The following MGA variants were observed in gnomAD, a reference collection of about 807,000 sequenced individuals.
MGA encodes MAX gene-associated protein.
Under a neutral mutation model 261.1 loss-of-function variants are expected in MGA, and 40 were observed. The observed-to-expected ratio is 0.15, with a 90% CI of 0.12 to 0.20. MGA has a LOEUF of 0.20. Ranked by LOEUF, MGA falls within the 10% of genes least tolerant of loss-of-function variation. MGA has a pLI of 1.00. For missense variants in MGA, 3,397 were observed against 3,630.5 expected (o/e 0.94, Z 1.65); for synonymous variants, 1,302 against 1,290.6 (o/e 1.01, Z -0.19).
At position 41,742,563 on chromosome 15, in the gene MGA, G is replaced by C; in HGVS notation, c.4603G>C (p.Gly1535Arg). The C allele has an allele frequency of 6.2e-7, 1 of 1,613,222 alleles. No individual in the cohort carries two copies. The highest frequency in any genetic ancestry group is 8.5e-7 in the Non-Finnish European group (1 of 1,179,490). ...GTTTGCAGCGGCTCGACCCTCTCCT[G>C]GTGGTGTGTTCACACAGTTTGTGAT... The change falls in exon 15 of 24, where the codon GGT becomes CGT. Residue 1535 changes from glycine to arginine, a missense_variant. Physicochemically the swap from Gly to Arg is moderately radical, Grantham distance 125 (BLOSUM62 -2). Transcript: ENST00000219905.
chr15:41,679,934 G>A (rs1315138746), intron 2 of MGA, among the ~76,000 whole-genome samples: 1 of 152,072 alleles, frequency 6.6e-6, no homozygotes, highest in Admixed American at 6.5e-5. Flanking sequence ...CATTATGGTT[G>A]TAGTTTGTCT....
At chr15:41,737,463 T>A (rs565485740) in intron 13 of MGA, among the ~76,000 whole-genome samples, 3 of 152,212 alleles carry the variant, frequency 2.0e-5, no homozygotes, top group South Asian at 4.1e-4. Flanking sequence ...CTGAAAATTT[T>A]AATTTAGTAA....
chr15:41,752,053 G>A (rs1424291623), intron 17 of MGA: 3 of 152,092 alleles, frequency 2.0e-5, no homozygotes, highest in Non-Finnish European at 4.4e-5. Flanking sequence ...TTATTTTAGC[G>A]ATGGAGTCTT....
At chr15:41,709,915 G>A (rs1478028484) in intron 7 of MGA, among the ~76,000 whole-genome samples, 1 of 151,150 alleles carries the variant, frequency 6.6e-6, no homozygotes, top group Non-Finnish European at 1.5e-5. Context: ...TCCCCGTCTC[G>A]GGTTCAAGCA....
At chr15:41,684,352 C>T (rs538453756) in intron 2 of MGA, 10 of 446,272 alleles carry the variant, frequency 2.2e-5, no homozygotes, top group South Asian at 1.6e-4. Context: ...AAAAAAAATC[C>T]TTTTAATTAA....
Position 41,769,319 on chromosome 15 carries a change from TA to T in MGA, c.*2041del, listed in dbSNP as rs1456540008. ...ACTTCCTTTTTTTTTTTTTTTTTTT[TA>T]AGAAGAATATAGGTAAACAGGTAAT... is the stretch of plus-strand genomic sequence containing the variant. On this transcript the variant is annotated 3_prime_UTR_variant, in exon 24 of 24. Coordinates refer to ENST00000219905, the MANE Select transcript of MGA (RefSeq NM_001164273.2). The T allele has an allele frequency of 1.5e-5, 2 of 136,388 alleles. No individual in the cohort carries two copies. Among genetic ancestry groups the T allele is most frequent in the Non-Finnish European group, 3.2e-5 (2 of 63,024 alleles). The allele number at this position is 136,388 out of a possible 1,614,324, so 8.4% of individuals were successfully genotyped here.
intron 15 of MGA, among the ~76,000 whole-genome samples, chr15:41,743,678 G>A (rs149714093): frequency 6.6e-6 from 1 of 152,036 alleles, no homozygotes; most frequent in Non-Finnish European, 1.5e-5. Context: ...TGTGGGGTGT[G>A]GGGGGTGCTG....
At chr15:41,728,776 T>C (rs1484970400) in intron 10 of MGA, among the ~76,000 whole-genome samples, 1 of 152,170 alleles carries the variant, frequency 6.6e-6, no homozygotes, top group Non-Finnish European at 1.5e-5. Context: ...AGAGTAAATA[T>C]TTAGAAATTT....
chr15:41,754,362 G>T (rs973267083), intron 17 of MGA, 75 bp from the exon 18 acceptor site: 1 of 1,393,300 alleles, frequency 7.2e-7, no homozygotes, highest in Non-Finnish European at 9.5e-7. Context: ...GTTTTATAAG[G>T]GGAACAAACA....
intron 1 of MGA, among the ~76,000 whole-genome samples, chr15:41,622,399 G>A (rs11639249): frequency 2.0e-5 from 3 of 148,522 alleles, no homozygotes; most frequent in African/African-American, 7.8e-5. Context: ...CCGCCACCCC[G>A]CCAAAAAAAA....
intron 2 of MGA, among the ~76,000 whole-genome samples, chr15:41,689,105 A>C (rs2059124360): frequency 6.6e-6 from 1 of 152,198 alleles, no homozygotes; most frequent in Non-Finnish European, 1.5e-5. Context: ...TGTTATATGG[A>C]TTACAATGTG....
At chr15:41,737,535 A>G (rs1012303137) in intron 13 of MGA, among the ~76,000 whole-genome samples, 1 of 152,028 alleles carries the variant, frequency 6.6e-6, no homozygotes, top group Admixed American at 6.6e-5. Context: ...TTTTTTCTTT[A>G]TTTGATTCGT....
chr15:41,639,792 C>T (rs2056785712), intron 1 of MGA, among the ~76,000 whole-genome samples: 2 of 152,096 alleles, frequency 1.3e-5, no homozygotes, highest in South Asian at 4.1e-4. Flanking sequence ...TCGTGATCTG[C>T]CTGCCTTGGC....
chr15:41,754,574 C>T lies in MGA; in HGVS notation c.7139+7C>T, dbSNP rs202159364. ...CACAGTCATTCAAACAGCCGTAAGT[C>T]TTATTTCTCTTTGGATTGTTGTTTT... On this transcript the variant is annotated splice_region_variant and intron_variant, in intron 18 of 23. Transcript: ENST00000219905. 9.6e-6 allele frequency: 15 copies of T among 1,558,098 alleles called. No homozygotes were observed. Among genetic ancestry groups the T allele is most frequent in the Non-Finnish European group, 1.2e-5 (14 of 1,153,936 alleles).
At chr15:41,703,008 G>A (rs1297179633) in intron 5 of MGA, among the ~76,000 whole-genome samples, 2 of 151,958 alleles carry the variant, frequency 1.3e-5, no homozygotes, top group Non-Finnish European at 2.9e-5. Context: ...CATAAGATTG[G>A]TACATTTGTT....
At chr15:41,706,733 C>T (rs1034362736) in intron 5 of MGA, among the ~76,000 whole-genome samples, 4 of 151,906 alleles carry the variant, frequency 2.6e-5, no homozygotes, top group Non-Finnish European at 5.9e-5. Context: ...TGCCACCACA[C>T]CTGGCTAATT....
At chr15:41,722,604 G>T (rs1438685872) in intron 9 of MGA, among the ~76,000 whole-genome samples, 1 of 152,110 alleles carries the variant, frequency 6.6e-6, no homozygotes, top group Non-Finnish European at 1.5e-5. Context: ...GTGTTTACAT[G>T]GATGTATAGT....
At chr15:41,628,229 T>A (rs1003131645) in intron 1 of MGA, among the ~76,000 whole-genome samples, 1 of 151,860 alleles carries the variant, frequency 6.6e-6, no homozygotes, top group Non-Finnish European at 1.5e-5. Context: ...AAAAATTAGC[T>A]GGGTGTGGTG....
intron 9 of MGA, 56 bp downstream of exon 9, chr15:41,713,552 T>A (rs1281212018): frequency 1.4e-6 from 2 of 1,462,522 alleles, no homozygotes; most frequent in African/African-American, 2.8e-5. Flanking sequence ...AAAAGTATGG[T>A]TATTTTAGAA....
Sources: allele counts gnomAD v4.1 joint callset (sites outside exome capture counted in the v4.1 genomes callset), GRCh38; gene constraint gnomAD v4.1.1; transcripts MANE v1.5; gene names NCBI Gene and HGNC (gene_info 2026-07-23, HGNC 2026-07-21).